The following RBFOX3 variants were observed in gnomAD, a reference collection of about 807,000 sequenced individuals.
RBFOX3 encodes RNA binding fox-1 homolog 3.
A neutral mutation model predicts 48.7 loss-of-function variants in RBFOX3; 17 were observed. That is an observed-to-expected ratio of 0.35 (90% confidence interval 0.24 to 0.52). The LOEUF is 0.52. RBFOX3 is among the 20% of genes least tolerant of loss of function. The pLI is 0.94. For missense variants in RBFOX3, 382 were observed against 497.5 expected, an observed-to-expected ratio of 0.77 and a Z score of 2.21; for synonymous variants, 212 against 209.5, an observed-to-expected ratio of 1.01 and a Z score of -0.10.
In RBFOX3 at chr17:79,480,778, G is replaced by A. The variant is rs2078663691; in HGVS notation, c.-175+1676C>T. Among the ~76,000 whole-genome samples the A allele has an allele frequency of 8.5e-5, 13 of 152,124 alleles. No individual in the cohort carries two copies. The highest frequency in any genetic ancestry group is 4.4e-5 in the Non-Finnish European group (3 of 68,030). On this transcript the variant is annotated intron_variant, in intron 2 of 14. Coordinates refer to ENST00000693108, the MANE Select transcript of RBFOX3 (RefSeq NM_001350451.2). This position sits in a 1 kb window ranked among gnomAD's most constrained non-coding sequence, Gnocchi z 4.8. ...CACCGGGGCCTGCCCTTCTGTCCTGGGCAACTGCAGCCCCCACCATTCCCC... is the reference window on the plus strand; with the variant it reads ...CACCGGGGCCTGCCCTTCTGTCCTGAGCAACTGCAGCCCCCACCATTCCCC...
chr17:79,273,333 A>T (rs58983203), intron 3 of RBFOX3, among the ~76,000 whole-genome samples: 1 of 152,178 alleles, frequency 6.6e-6, no homozygotes, highest in African/African-American at 2.4e-5. Flanking sequence ...CAAAGTCTGT[A>T]TTCAGAGCAA....
At chr17:79,304,349 C>T (rs1237981942) in intron 3 of RBFOX3, among the ~76,000 whole-genome samples, 2 of 151,072 alleles carry the variant, frequency 1.3e-5, no homozygotes, top group African/African-American at 2.4e-5. Flanking sequence ...TATATATATA[C>T]ACACACGTAA....
At chr17:79,125,256 C>T (rs945922795) in intron 4 of RBFOX3, among the ~76,000 whole-genome samples, 6 of 152,186 alleles carry the variant, frequency 3.9e-5, no homozygotes, top group African/African-American at 1.4e-4. Context: ...CTCGCCTGGG[C>T]TGTGCTCTGG....
chr17:79,347,915 A>G (rs2146881962), intron 2 of RBFOX3, among the ~76,000 whole-genome samples: 2 of 152,222 alleles, frequency 1.3e-5, no homozygotes, highest in South Asian at 4.2e-4. Flanking sequence ...CATTCCCTCC[A>G]GTGGAAGTCT....
At chr17:79,230,345 T>C (rs928868040) in intron 4 of RBFOX3, among the ~76,000 whole-genome samples, 26 of 152,262 alleles carry the variant, frequency 1.7e-4, no homozygotes, top group African/African-American at 4.8e-4. Flanking sequence ...CTGCTACCTC[T>C]GCCTCCTGGG....
At chr17:79,640,531 G>C in the RBFOX3 span, among the ~76,000 whole-genome samples, 1 of 151,156 alleles carries the variant, frequency 6.6e-6, no homozygotes, top group African/African-American at 2.4e-5. Flanking sequence ...AAAGCGGGAG[G>C]CATTACACTT....
rs185706102 is a variant in RBFOX3 at position 79,329,903 on chromosome 17, C to T, written c.-174-22079G>A. Among the ~76,000 whole-genome samples the T allele has an allele frequency of 6.0e-3, 917 of 152,256 alleles. 7 individuals carry two copies. Among genetic ancestry groups the T allele is most frequent in the African/African-American group, 0.021 (878 of 41,548 alleles). Reference sequence around the variant, plus strand: ...CCGGCTCCTTCTCAGACCCTTCAGCCCTGACCTCTCGTGCTGATCTGTCCA... The same window carrying T: ...CCGGCTCCTTCTCAGACCCTTCAGCTCTGACCTCTCGTGCTGATCTGTCCA... On this transcript the variant is annotated intron_variant, in intron 2 of 14. Transcript: ENST00000693108.
intron 1 of RBFOX3, among the ~76,000 whole-genome samples, chr17:79,567,077 T>C (rs2092481822): frequency 6.6e-6 from 1 of 151,990 alleles, no homozygotes; most frequent in Admixed American, 6.6e-5. Flanking sequence ...CTCTTCCCGT[T>C]CTCCTTCCCA....
intron 3 of RBFOX3, among the ~76,000 whole-genome samples, chr17:79,269,494 G>A (rs2067289301): frequency 6.6e-6 from 1 of 152,078 alleles, no homozygotes; most frequent in Non-Finnish European, 1.5e-5. Flanking sequence ...GAGAGCTGTG[G>A]GAAAAAATTC....
chr17:79,224,568 G>A (rs1482680715), intron 4 of RBFOX3, among the ~76,000 whole-genome samples: 1 of 152,170 alleles, frequency 6.6e-6, no homozygotes, highest in Non-Finnish European at 1.5e-5. Flanking sequence ...CATTCCAGGT[G>A]GCCCTGCGGC....
chr17:79,544,812 T>TG (rs1390662708), intron 1 of RBFOX3, among the ~76,000 whole-genome samples: 2 of 151,722 alleles, frequency 1.3e-5, no homozygotes, highest in African/African-American at 4.8e-5. Context: ...CTTCTAGACA[T>TG]GGGGGAGTAA....
intron 2 of RBFOX3, among the ~76,000 whole-genome samples, chr17:79,389,477 G>A (rs181474416): frequency 1.3e-5 from 2 of 152,308 alleles, no homozygotes; most frequent in Non-Finnish European, 2.9e-5. Context: ...CCCTTGAGGG[G>A]GTATTTACAG....
Position 79,097,324 on chromosome 17 carries a change from C to G in RBFOX3, c.723G>C (p.Ala241=). Residue 241 remains alanine (A), a synonymous_variant, in exon 11 of 15, where the codon GCG becomes GCC. Transcript: ENST00000693108. ...GRAVYNTFRA[A]PPPPPIPTYG... ...AAGTCGGGATGGGGGGTGGGGGTGG[C>G]GCAGCCCGAAATGTATTATACACGG... is the stretch of plus-strand genomic sequence containing the variant. 1.3e-6 allele frequency: 2 copies of G among 1,545,736 alleles called. No individual in the cohort carries two copies. The highest frequency in any genetic ancestry group is 1.7e-6 in the Non-Finnish European group (2 of 1,144,090).
In RBFOX3 at chr17:79,104,908, C is replaced by T. The variant is rs370419599; in HGVS notation, c.361-782G>A. On this transcript the variant is annotated intron_variant, in intron 6 of 14. Transcript: ENST00000693108. ...ACAGCCTGTCATGGGGCTGTGCTGG[C>T]GTGCGGTGCTGAGCAACTGTTCAGG... is the stretch of plus-strand genomic sequence containing the variant. Among the ~76,000 whole-genome samples, 932 of 152,324 alleles carry T rather than the reference C, an allele frequency of 6.1e-3. 10 individuals are homozygous for T. The highest frequency in any genetic ancestry group is 0.022 in the African/African-American group (895 of 41,572).
At chr17:79,651,120 G>A in the RBFOX3 span, among the ~76,000 whole-genome samples, 11 of 152,274 alleles carry the variant, frequency 7.2e-5, no homozygotes, top group Admixed American at 1.3e-4. Flanking sequence ...TCACCAAGTC[G>A]CCGGTTTGGT....
chr17:79,097,267 C>G (rs1001374318), intron 11 of RBFOX3, 25 bp downstream of exon 11: 1 of 1,525,050 alleles, frequency 6.6e-7, no homozygotes. Flanking sequence ...CCCTCCTCCA[C>G]GCCTCCCCCG....
chr17:79,515,076 C>T (rs1214563394), intron 1 of RBFOX3, among the ~76,000 whole-genome samples: 2 of 152,168 alleles, frequency 1.3e-5, no homozygotes, highest in Admixed American at 6.5e-5. Flanking sequence ...CTGCCTGGGT[C>T]CCTCAGCCTG....
At chr17:79,102,309 G>A (rs1265831613) in intron 8 of RBFOX3, among the ~76,000 whole-genome samples, 5 of 152,230 alleles carry the variant, frequency 3.3e-5, no homozygotes, top group Admixed American at 6.5e-5. Flanking sequence ...GTCCCAGGAA[G>A]GGGTCTGGGC....
chr17:79,387,985 CAT>C (rs2060804270), intron 2 of RBFOX3, among the ~76,000 whole-genome samples: 1 of 142,960 alleles, frequency 7.0e-6, no homozygotes, highest in African/African-American at 2.6e-5. Flanking sequence ...CCTGTGTGTG[CAT>C]GTGTGAATGT....
Sources: gnomAD v4.1 joint callset for allele counts (sites outside exome capture counted in the v4.1 genomes callset) on GRCh38, gnomAD v4.1.1 for gene constraint, Gnocchi (gnomAD v3.1) non-coding constraint, MANE v1.5 for transcripts, NCBI Gene and HGNC (gene_info 2026-07-23, HGNC 2026-07-21) for gene names.